GPC6: variants seen among roughly 807,000 people sequenced by gnomAD.
The protein encoded by GPC6 is glypican 6.
Under a neutral mutation model 55.2 loss-of-function variants are expected in GPC6, and 14 were observed. The observed-to-expected ratio is 0.25, with a 90% CI of 0.17 to 0.40. The LOEUF (loss-of-function observed/expected upper bound fraction) is 0.40, where lower values mean the gene tolerates loss of function less well. Among genes scored for constraint, GPC6 ranks in the 10% least tolerant of loss-of-function variants. GPC6 has a pLI of 1.00. For missense variants in GPC6, 641 were observed against 708.5 expected (o/e 0.90, Z 1.08); for synonymous variants, 278 against 259.6 (o/e 1.07, Z -0.68).
intron 1 of GPC6, among the ~76,000 whole-genome samples, chr13:93,424,036 C>T (rs775048437): frequency 2.0e-5 from 3 of 152,048 alleles, no homozygotes; most frequent in Non-Finnish European, 2.9e-5. Context: ...ATAGCTGTGC[C>T]GCTTCTTTTT....
At chr13:94,027,656 C>G in intron 3 of GPC6, 73 bp from the exon 4 acceptor site, 1 of 1,287,304 alleles carries the variant, frequency 7.8e-7, no homozygotes, top group Non-Finnish European at 1.1e-6. Context: ...TTTATCACTG[C>G]TATTTTGTCT....
chr13:94,068,773 A>G (rs1001277002), intron 4 of GPC6, among the ~76,000 whole-genome samples: 13 of 152,302 alleles, frequency 8.5e-5, no homozygotes, highest in South Asian at 8.3e-4. Context: ...CTTTGACTCT[A>G]TGTCTCACAT....
At chr13:94,210,954 G>C (rs140426746) in intron 4 of GPC6, among the ~76,000 whole-genome samples, 1 of 152,128 alleles carries the variant, frequency 6.6e-6, no homozygotes, top group Non-Finnish European at 1.5e-5. Flanking sequence ...ATCAGAAACC[G>C]TCGCAGTTAA....
intron 1 of GPC6, among the ~76,000 whole-genome samples, chr13:93,295,466 TTTTTG>T (rs541544515): frequency 3.3e-5 from 5 of 151,700 alleles, no homozygotes; most frequent in East Asian, 1.9e-4. Context: ...GTCTCTGTGG[TTTTTG>T]TTTTGTTTTG....
intron 5 of GPC6, among the ~76,000 whole-genome samples, chr13:94,294,479 AT>A (rs1875214548): frequency 6.6e-6 from 1 of 151,652 alleles, no homozygotes; most frequent in African/African-American, 2.4e-5. Context: ...AGAACAGAGA[AT>A]GTAATAACTT....
At chr13:94,356,975 C>A (rs1191830935) in intron 6 of GPC6, among the ~76,000 whole-genome samples, 2 of 152,104 alleles carry the variant, frequency 1.3e-5, no homozygotes, top group African/African-American at 4.8e-5. Context: ...AGTTAAGAAT[C>A]CATGATTGAT....
chr13:94,358,478 C>T (rs1317416310), intron 6 of GPC6, among the ~76,000 whole-genome samples: 1 of 151,956 alleles, frequency 6.6e-6, no homozygotes, highest in Admixed American at 6.6e-5. Context: ...ATATAAAAAG[C>T]TAGACTAAAT....
At chr13:93,354,607 G>A (rs1017742672) in intron 1 of GPC6, among the ~76,000 whole-genome samples, 9 of 149,006 alleles carry the variant, frequency 6.0e-5, no homozygotes, top group Non-Finnish European at 1.0e-4. Flanking sequence ...CTCGTGATCC[G>A]CCCGCCTCGG....
chr13:93,913,376 T>G (rs11843509), intron 3 of GPC6, among the ~76,000 whole-genome samples: 6,704 of 152,258 alleles, frequency 0.044, 173 homozygotes, highest in African/African-American at 0.078. Context: ...TAGCTTCACC[T>G]GAGAAAGGAT....
chr13:93,376,185 C>G (rs376502295), intron 1 of GPC6, among the ~76,000 whole-genome samples: 3 of 151,506 alleles, frequency 2.0e-5, no homozygotes, highest in African/African-American at 7.3e-5. Flanking sequence ...AGAGGAGACC[C>G]CTTCATGGAA....
At chr13:93,573,607 C>T (rs540301535) in intron 2 of GPC6, among the ~76,000 whole-genome samples, 69 of 152,086 alleles carry the variant, frequency 4.5e-4, no homozygotes, top group African/African-American at 1.5e-3. Flanking sequence ...GCACGTAAGT[C>T]GATAAAATGA....
At chr13:93,887,240 A>G (rs1875394969) in intron 3 of GPC6, among the ~76,000 whole-genome samples, 1 of 152,242 alleles carries the variant, frequency 6.6e-6, no homozygotes, top group African/African-American at 2.4e-5. Flanking sequence ...AAATGAGAAG[A>G]GGAGACTACC....
intron 1 of GPC6, among the ~76,000 whole-genome samples, chr13:93,509,035 A>G (rs1880841680): frequency 6.6e-6 from 1 of 152,216 alleles, no homozygotes; most frequent in Non-Finnish European, 1.5e-5. Flanking sequence ...GATTGATGGC[A>G]GAGCAAGCCT....
chr13:94,378,505 GGA>G, intron 6 of GPC6, among the ~76,000 whole-genome samples: 1 of 152,148 alleles, frequency 6.6e-6, no homozygotes, highest in Middle Eastern at 3.2e-3. Context: ...GGTATGAGAA[GGA>G]TGCCCTCTCT....
At chr13:93,716,975 T>C (rs1883272367) in intron 2 of GPC6, among the ~76,000 whole-genome samples, 1 of 151,646 alleles carries the variant, frequency 6.6e-6, no homozygotes, top group Non-Finnish European at 1.5e-5. Context: ...AGTAAAATGC[T>C]GTACAGGTTT....
chr13:94,172,014 G>T (rs938438548), intron 4 of GPC6, among the ~76,000 whole-genome samples: 1 of 152,112 alleles, frequency 6.6e-6, no homozygotes, highest in Non-Finnish European at 1.5e-5. Context: ...AGGAGGCCAG[G>T]TATTTGGATG....
intron 4 of GPC6, among the ~76,000 whole-genome samples, chr13:94,201,914 G>A (rs550594947): frequency 1.1e-4 from 17 of 152,064 alleles, no homozygotes; most frequent in South Asian, 4.2e-4. Context: ...GTGCCACTGC[G>A]CTCCAGCCTG....
At chr13:94,281,681 C>T (rs1892387690) in intron 4 of GPC6, among the ~76,000 whole-genome samples, 1 of 152,126 alleles carries the variant, frequency 6.6e-6, no homozygotes, top group Non-Finnish European at 1.5e-5. Flanking sequence ...GCCATCCAGA[C>T]ATAGCAGATA....
intron 4 of GPC6, among the ~76,000 whole-genome samples, chr13:94,261,919 T>C (rs2139050789): frequency 6.6e-6 from 1 of 152,302 alleles, no homozygotes; most frequent in Non-Finnish European, 1.5e-5. Flanking sequence ...TGCCTGTAAA[T>C]AGGGCATAAG....
Sources: gnomAD v4.1 joint callset for allele counts (sites outside exome capture counted in the v4.1 genomes callset) on GRCh38, gnomAD v4.1.1 for gene constraint, MANE v1.5 for transcripts, NCBI Gene and HGNC (gene_info 2026-07-23, HGNC 2026-07-21) for gene names.